The following ZNF184 variants were observed in gnomAD, a reference collection of about 807,000 sequenced individuals.
ZNF184 encodes the protein zinc finger protein 184 (Kruppel-like).
In ZNF184, 16 loss-of-function variants were observed where a neutral mutation model predicts 54.4. That is an observed-to-expected ratio of 0.29 (90% CI 0.20 to 0.45). ZNF184 has a LOEUF of 0.45. Ranked by LOEUF, ZNF184 falls within the 20% of genes least tolerant of loss-of-function variation. The pLI, the probability that ZNF184 is intolerant of heterozygous loss-of-function variation, is 1.00. For synonymous variants in ZNF184, 254 were observed against 295.3 expected, an observed-to-expected ratio of 0.86 and a Z score of 1.43; for missense variants, 681 against 888.2, an observed-to-expected ratio of 0.77 and a Z score of 2.97.
chr6:27,416,405 A>T, the ZNF184 span, among the ~76,000 whole-genome samples: 1 of 152,202 alleles, frequency 6.6e-6, no homozygotes, highest in South Asian at 2.1e-4. Context: ...AAGGCAGATC[A>T]TCTAGCATGG....
chr6:27,452,142 G>A lies in ZNF184; in HGVS notation c.1417C>T (p.Pro473Ser). The change falls in exon 6 of 6, where the codon CCT (proline) becomes TCT (serine). Residue 473 changes from proline to serine, a missense_variant. Pro to Ser is a moderately conservative substitution (Grantham distance 74). Coordinates refer to ENST00000683788, the MANE Select transcript of ZNF184 (RefSeq NM_001318891.2). This position sits in a 1 kb window ranked among gnomAD's most constrained non-coding sequence, Gnocchi z 5.5. The part of the protein sequence containing the change: ...QHLKIHTGEK[P>S]YKCNECGKAF... Reference sequence around the variant, plus strand: ...TTTCCACATTCATTGCATTTGTAAGGTTTTTCTCCAGTATGAATTTTCAGG... The same window carrying A: ...TTTCCACATTCATTGCATTTGTAAGATTTTTCTCCAGTATGAATTTTCAGG... The A allele has an allele frequency of 6.2e-7, 1 of 1,613,958 alleles. No homozygotes were observed. Among genetic ancestry groups the A allele is most frequent in the South Asian group, 1.1e-5 (1 of 91,070 alleles).
chr6:27,420,337 T>G, the ZNF184 span, among the ~76,000 whole-genome samples: 1 of 152,324 alleles, frequency 6.6e-6, no homozygotes, highest in South Asian at 2.1e-4. Flanking sequence ...AACTGTCTAT[T>G]CCTCTATGCT....
chr6:27,449,924 T>C (rs1000168871), downstream of ZNF184, among the ~76,000 whole-genome samples: 2 of 152,134 alleles, frequency 1.3e-5, no homozygotes, highest in Admixed American at 1.3e-4. Flanking sequence ...CCCTCTGCTC[T>C]TAAAATAGAG....
the ZNF184 span, among the ~76,000 whole-genome samples, chr6:27,411,701 T>C: frequency 6.6e-6 from 1 of 152,274 alleles, no homozygotes; most frequent in Non-Finnish European, 1.5e-5. Context: ...AAGGGTCTTT[T>C]AATGTGGCCC....
chr6:27,420,469 G>A, the ZNF184 span, among the ~76,000 whole-genome samples: 6 of 152,166 alleles, frequency 3.9e-5, no homozygotes, highest in Admixed American at 1.3e-4. Context: ...TCTCCCTACT[G>A]TCTCTCCATG....
At chr6:27,463,265 T>TA (rs1487865122) in intron 3 of ZNF184, among the ~76,000 whole-genome samples, 1 of 148,312 alleles carries the variant, frequency 6.7e-6, no homozygotes, top group Admixed American at 6.7e-5. Flanking sequence ...CCCTAAAACT[T>TA]AAAGTATAAT....
the ZNF184 span, chr6:27,406,572 C>G: frequency 6.6e-6 from 1 of 152,360 alleles, no homozygotes; most frequent in Non-Finnish European, 1.5e-5. Flanking sequence ...CTTCCACCAA[C>G]TGCAGCAGGT....
chr6:27,429,976 T>C, the ZNF184 span, among the ~76,000 whole-genome samples: 5 of 151,736 alleles, frequency 3.3e-5, no homozygotes, highest in Non-Finnish European at 5.9e-5. Flanking sequence ...GGACAAAGAG[T>C]AGTAACTTGT....
intron 3 of ZNF184, among the ~76,000 whole-genome samples, chr6:27,458,308 A>C (rs1342896213): frequency 7.3e-5 from 11 of 150,096 alleles, no homozygotes; most frequent in East Asian, 3.9e-4. Context: ...AAAAAAAAAA[A>C]AAAAAAAAAA....
chr6:27,419,527 CAGATAGAT>C, the ZNF184 span, among the ~76,000 whole-genome samples: 47,755 of 148,924 alleles, frequency 0.32, 7,988 homozygotes, highest in Admixed American at 0.43. The surrounding 1 kb of genome is among the most constrained non-coding windows in gnomAD (Gnocchi z 4.8). Flanking sequence ...TTTCAATATT[CAGATAGAT>C]AGATAGATAG....
Position 27,472,381 on chromosome 6 carries a change from C to A in ZNF184, c.-87G>T. On this transcript the variant is annotated 5_prime_UTR_variant, in exon 2 of 6. Coordinates refer to ENST00000683788, the MANE Select transcript of ZNF184 (RefSeq NM_001318891.2). The surrounding 1 kb of genome is among the most constrained non-coding windows in gnomAD (Gnocchi z 4.8). ...TCAGCTGGTATCTCGGTCTAGGACT[C>A]AGATGTCTAACTCCCCTTGCAGGGA... The A allele has an allele frequency of 6.4e-7, 1 of 1,565,326 alleles. No homozygotes were observed. Among genetic ancestry groups the A allele is most frequent in the East Asian group, 2.3e-5 (1 of 44,276 alleles).
At chr6:27,424,094 A>C in the ZNF184 span, among the ~76,000 whole-genome samples, 1 of 152,030 alleles carries the variant, frequency 6.6e-6, no homozygotes, top group South Asian at 2.1e-4. Flanking sequence ...TGATGTTTAG[A>C]TGTGTTCAGT....
chr6:27,424,350 A>T, the ZNF184 span, among the ~76,000 whole-genome samples: 27 of 152,216 alleles, frequency 1.8e-4, no homozygotes, highest in African/African-American at 6.5e-4. Context: ...AAGCTTCCAC[A>T]GGGTACAAGG....
chr6:27,440,647 T>G, the ZNF184 span, among the ~76,000 whole-genome samples: 1 of 152,096 alleles, frequency 6.6e-6, no homozygotes. Context: ...AACGACACAT[T>G]GGGTTTGGGG....
chr6:27,412,832 C>G, the ZNF184 span, among the ~76,000 whole-genome samples: 43 of 152,266 alleles, frequency 2.8e-4, no homozygotes, highest in African/African-American at 9.4e-4. Context: ...TATGTTTATG[C>G]CACTGTACTC....
At chr6:27,405,403 G>C in the ZNF184 span, 1 of 152,204 alleles carries the variant, frequency 6.6e-6, no homozygotes, top group Admixed American at 6.5e-5. Flanking sequence ...TCAGTACTAG[G>C]CTGGACTGCA....
the ZNF184 span, among the ~76,000 whole-genome samples, chr6:27,434,933 C>T: frequency 2.0e-5 from 3 of 152,114 alleles, no homozygotes; most frequent in Non-Finnish European, 4.4e-5. Flanking sequence ...AGTGAATGGT[C>T]TTGGTGCTTG....
chr6:27,428,132 C>T, the ZNF184 span, among the ~76,000 whole-genome samples: 1 of 152,158 alleles, frequency 6.6e-6, no homozygotes, highest in Non-Finnish European at 1.5e-5. This position sits in a 1 kb window ranked among gnomAD's most constrained non-coding sequence, Gnocchi z 4.1. Flanking sequence ...CTTCCTTTTC[C>T]TACTTTCACA....
At chr6:27,433,022 C>A in the ZNF184 span, among the ~76,000 whole-genome samples, 1 of 152,166 alleles carries the variant, frequency 6.6e-6, no homozygotes. Flanking sequence ...GTGTCAACTG[C>A]CAGATATGTA....
Sources: allele counts gnomAD v4.1 joint callset (sites outside exome capture counted in the v4.1 genomes callset), GRCh38; gene constraint gnomAD v4.1.1; non-coding constraint Gnocchi (gnomAD v3.1); transcripts MANE v1.5; gene names NCBI Gene and HGNC (gene_info 2026-07-23, HGNC 2026-07-21).